Variants in MRTFB observed in about 807,000 individuals in gnomAD.
MRTFB encodes myocardin related transcription factor B, also known as myocardin-related transcription factor B.
A neutral mutation model predicts 104.2 loss-of-function variants in MRTFB; 29 were observed. The ratio of observed to expected loss-of-function variants is 0.28; its 90% CI spans 0.21 to 0.38. The LOEUF is 0.38. Ranked by LOEUF, MRTFB falls within the 10% of genes least tolerant of loss-of-function variation. The pLI, the probability that MRTFB is intolerant of heterozygous loss-of-function variation, is 1.00. For missense variants in MRTFB, 1,270 were observed against 1,341.6 expected (o/e 0.95, Z 0.83); for synonymous variants, 535 against 519.5 (o/e 1.03, Z -0.41).
intron 10 of MRTFB, among the ~76,000 whole-genome samples, chr16:14,244,688 G>A (rs2042938185): frequency 6.6e-6 from 1 of 152,034 alleles, no homozygotes; most frequent in Admixed American, 6.5e-5. Flanking sequence ...ATTGACCATT[G>A]GGATATACAT....
the MRTFB span, among the ~76,000 whole-genome samples, chr16:14,020,107 A>G: frequency 6.6e-6 from 1 of 152,050 alleles, no homozygotes; most frequent in African/African-American, 2.4e-5. Flanking sequence ...TTCTGGCCAA[A>G]CTGGATTGAC....
intron 8 of MRTFB, among the ~76,000 whole-genome samples, chr16:14,228,589 T>C (rs1205573050): frequency 1.4e-5 from 2 of 144,848 alleles, no homozygotes; most frequent in African/African-American, 5.3e-5. Flanking sequence ...AAAAAAAAAA[T>C]AGAAAACAGA....
At chr16:14,236,552 A>G (rs537460226) in intron 9 of MRTFB, among the ~76,000 whole-genome samples, 21 of 152,234 alleles carry the variant, frequency 1.4e-4, no homozygotes, top group Non-Finnish European at 2.4e-4. Context: ...GGAGATAAGG[A>G]GAGACGTGTC....
At chr16:14,040,435 G>C in the MRTFB span, among the ~76,000 whole-genome samples, 2 of 151,586 alleles carry the variant, frequency 1.3e-5, no homozygotes, top group African/African-American at 4.8e-5. Flanking sequence ...CAAAGTAGGA[G>C]TGTTTCCGTT....
chr16:14,222,817 C>G (rs1418856880), intron 8 of MRTFB, among the ~76,000 whole-genome samples: 4 of 152,008 alleles, frequency 2.6e-5, no homozygotes, highest in African/African-American at 9.7e-5. Flanking sequence ...GCTGGTGAGG[C>G]TGCGGAGAAA....
At chr16:14,111,682 A>G (rs1315379868) in intron 2 of MRTFB, among the ~76,000 whole-genome samples, 1 of 152,166 alleles carries the variant, frequency 6.6e-6, no homozygotes, top group Non-Finnish European at 1.5e-5. Flanking sequence ...GAGGCAAACA[A>G]GAGGGAGGGG....
the MRTFB span, among the ~76,000 whole-genome samples, chr16:14,048,478 C>G: frequency 6.6e-6 from 1 of 152,056 alleles, no homozygotes; most frequent in Non-Finnish European, 1.5e-5. Flanking sequence ...TGTGGTGAGG[C>G]CTTGGGAGAG....
chr16:14,129,312 AT>A (rs150085070), intron 2 of MRTFB, among the ~76,000 whole-genome samples: 8,911 of 152,022 alleles, frequency 0.059, 520 homozygotes, highest in East Asian at 0.3. Flanking sequence ...ATAAAATTTG[AT>A]TTTTTTTGGT....
At chr16:14,088,331 A>C (rs1485416772) in intron 2 of MRTFB, among the ~76,000 whole-genome samples, 1 of 152,228 alleles carries the variant, frequency 6.6e-6, no homozygotes, top group Non-Finnish European at 1.5e-5. Context: ...TTTAAAGAGC[A>C]GAAGGGCTCA....
chr16:14,142,713 A>G (rs570303123), intron 3 of MRTFB: 3 of 152,354 alleles, frequency 2.0e-5, no homozygotes, highest in African/African-American at 7.2e-5. Context: ...TTGAACTGTT[A>G]TAAAATCAGA....
In MRTFB at chr16:14,240,351, GAGA is replaced by G. The variant is rs767997871; in HGVS notation, c.951_953del (p.Lys317del). On this transcript the variant is annotated inframe_deletion, in exon 10 of 17. Coordinates refer to ENST00000571589, the MANE Select transcript of MRTFB (RefSeq NM_001308142.2). Reference sequence around the variant, plus strand: ...ATACATTCCACCAGATCAGAAGGGTGAGAAGAATGAGCCGCAGATGGACTCTAA... The same window carrying G: ...ATACATTCCACCAGATCAGAAGGGTGAGAATGAGCCGCAGATGGACTCTAA... The G allele has an allele frequency of 6.2e-7, 1 of 1,614,194 alleles. No homozygotes were observed.
Position 14,240,393 on chromosome 16 carries a change from C to T in MRTFB, c.988C>T (p.Leu330Phe), listed in dbSNP as rs1374736144. The T allele has an allele frequency of 6.2e-7, 1 of 1,614,116 alleles. No homozygotes were observed. The highest frequency in any genetic ancestry group is 8.5e-7 in the Non-Finnish European group (1 of 1,180,060). ...GATGGACTCTAACTACGCCCGCCTGCTCCAGCAGCAGCAGCTGTTCCTGCA... is the reference window on the plus strand; with the variant it reads ...GATGGACTCTAACTACGCCCGCCTGTTCCAGCAGCAGCAGCTGTTCCTGCA... The part of the protein sequence containing the change: ...PQMDSNYARL[L>F]QQQQLFLQLQ... The change falls in exon 10 of 17, where the codon CTC becomes TTC. Residue 330 changes from leucine (L) to phenylalanine (F), a missense_variant. Physicochemically the swap from Leu to Phe is conservative, Grantham distance 22. Coordinates refer to ENST00000571589, the MANE Select transcript of MRTFB (RefSeq NM_001308142.2).
chr16:14,258,973 G>C (rs1421507453), intron 16 of MRTFB, among the ~76,000 whole-genome samples: 1 of 152,140 alleles, frequency 6.6e-6, no homozygotes, highest in Non-Finnish European at 1.5e-5. Flanking sequence ...AAATTACCCT[G>C]ATGAAAGGAG....
At chr16:14,170,009 C>G (rs1265763239) in intron 3 of MRTFB, 1 of 152,076 alleles carries the variant, frequency 6.6e-6, no homozygotes, top group East Asian at 1.9e-4. Context: ...CAAGGAATTT[C>G]AATAAGCTAT....
chr16:14,122,308 A>C (rs181409080), intron 2 of MRTFB, among the ~76,000 whole-genome samples: 1 of 150,000 alleles, frequency 6.7e-6, no homozygotes, highest in Admixed American at 6.7e-5. Context: ...ATTATACTTT[A>C]AGTTCTGGGG....
At chr16:14,153,424 A>G (rs568194288) in intron 3 of MRTFB, among the ~76,000 whole-genome samples, 3 of 152,324 alleles carry the variant, frequency 2.0e-5, no homozygotes, top group African/African-American at 4.8e-5. Flanking sequence ...TGCTGAACCA[A>G]TGAAACCTCT....
chr16:14,005,077 A>G, the MRTFB span, among the ~76,000 whole-genome samples: 19 of 152,202 alleles, frequency 1.2e-4, no homozygotes, highest in Non-Finnish European at 2.6e-4. Context: ...AGATCCTCAC[A>G]CACCATCATC....
chr16:14,149,276 A>G (rs940505563), intron 3 of MRTFB: 4 of 152,170 alleles, frequency 2.6e-5, no homozygotes, highest in African/African-American at 4.8e-5. Flanking sequence ...TTGGGTGTCT[A>G]TTTCACCAGT....
At chr16:14,026,119 T>A in the MRTFB span, among the ~76,000 whole-genome samples, 1 of 152,124 alleles carries the variant, frequency 6.6e-6, no homozygotes, top group African/African-American at 2.4e-5. Flanking sequence ...ATGTAAACAA[T>A]ATGATTACAA....
Sources: gnomAD v4.1 joint callset for allele counts (sites outside exome capture counted in the v4.1 genomes callset) on GRCh38, gnomAD v4.1.1 for gene constraint, MANE v1.5 for transcripts, NCBI Gene and HGNC (gene_info 2026-07-23, HGNC 2026-07-21) for gene names.